EFCAB12: variants seen among roughly 807,000 people sequenced by gnomAD.
EFCAB12 encodes EF-hand calcium-binding domain-containing protein 12.
A neutral mutation model predicts 53.6 loss-of-function variants in EFCAB12; 43 were observed. The ratio of observed to expected loss-of-function variants is 0.80; its 90% CI spans 0.63 to 1.03. The LOEUF (loss-of-function observed/expected upper bound fraction) is 1.03. Among genes scored for constraint, EFCAB12 ranks in the 50% least tolerant of loss-of-function variants. The pLI is 0.00. For missense variants in EFCAB12, 646 were observed against 730.6 expected (o/e 0.88, Z 1.34); for synonymous variants, 269 against 289.2 (o/e 0.93, Z 0.71).
chr3:129,421,063 G>A (rs1286889095), intron 2 of EFCAB12, among the ~76,000 whole-genome samples: 1 of 152,260 alleles, frequency 6.6e-6, no homozygotes, highest in Non-Finnish European at 1.5e-5. Context: ...CTGTGGCCCA[G>A]GCCAACATCC....
intron 4 of EFCAB12, 69 bp downstream of exon 4, chr3:129,415,176 A>G: frequency 6.7e-7 from 1 of 1,493,796 alleles, no homozygotes; most frequent in Non-Finnish European, 8.9e-7. Flanking sequence ...AGGAGAGGCC[A>G]AGGCTGCCTG....
chr3:129,404,680 CAG>C (rs2071925269), intron 6 of EFCAB12, among the ~76,000 whole-genome samples: 1 of 151,866 alleles, frequency 6.6e-6, no homozygotes, highest in Admixed American at 6.6e-5. Flanking sequence ...CAATATGGCT[CAG>C]GGGACTACAG....
intron 6 of EFCAB12, 37 bp from the exon 7 acceptor site, chr3:129,404,440 C>G: frequency 6.4e-7 from 1 of 1,565,632 alleles, no homozygotes; most frequent in Non-Finnish European, 8.7e-7. Flanking sequence ...ACCCATCAAC[C>G]CAGACTGCCC....
intron 3 of EFCAB12, among the ~76,000 whole-genome samples, chr3:129,416,044 A>G (rs976908501): frequency 1.4e-4 from 21 of 152,164 alleles, no homozygotes; most frequent in African/African-American, 4.3e-4. Flanking sequence ...CGGCCTCCCA[A>G]AGTGCTGGGT....
intron 6 of EFCAB12, 23 bp from the exon 7 acceptor site, chr3:129,404,426 C>T (rs1458595087): frequency 6.3e-7 from 1 of 1,598,828 alleles, no homozygotes; most frequent in East Asian, 2.2e-5. Flanking sequence ...AGAGAAACAT[C>T]TGCACCCATC....
chr3:129,401,572 T>C lies in EFCAB12; in HGVS notation c.*21A>G, dbSNP rs897893101. On this transcript the variant is annotated 3_prime_UTR_variant, in exon 9 of 9. Transcript: ENST00000505956. ...TGGCCCCTGGCCCAGGAAGGCTGGG[T>C]CCGGCAACACCTGGCTAGCTCTAGT... 1.3e-6 allele frequency: 2 copies of C among 1,500,302 alleles called. No individual in the cohort carries two copies. Among genetic ancestry groups the C allele is most frequent in the Admixed American group, 4.3e-5 (2 of 46,876 alleles). 92.9% of individuals were successfully genotyped at this position (1,500,302 alleles called of 1,614,324 possible). A position where few individuals can be genotyped will look rare whatever the true frequency, so the allele number is the denominator to read the frequency against.
At chr3:129,418,836 T>C (rs1378999270) in intron 2 of EFCAB12, among the ~76,000 whole-genome samples, 2 of 152,206 alleles carry the variant, frequency 1.3e-5, no homozygotes, top group South Asian at 4.1e-4. Flanking sequence ...GCATCTGCTA[T>C]AGGCCTCCTG....
rs530075216 is a variant in EFCAB12 at position 129,423,643 on chromosome 3, C to G, written c.50-1840G>C. On this transcript the variant is annotated intron_variant, in intron 1 of 8. Coordinates refer to ENST00000505956, the MANE Select transcript of EFCAB12 (RefSeq NM_207307.3). Reference sequence around the variant, plus strand: ...CTTTTTCAAAAAAATTTAAAAAAATCAGAAGGGATATAACAATCTTATTGG... The same window carrying G: ...CTTTTTCAAAAAAATTTAAAAAAATGAGAAGGGATATAACAATCTTATTGG... Among the ~76,000 whole-genome samples the G allele has an allele frequency of 1.8e-3, 273 of 152,116 alleles. 1 individual carries two copies. Among genetic ancestry groups the G allele is most frequent in the African/African-American group, 6.3e-3 (263 of 41,488 alleles).
In EFCAB12 at chr3:129,410,620, T is replaced by C. The variant is rs140007013; in HGVS notation, c.1035+538A>G. On this transcript the variant is annotated intron_variant, in intron 5 of 8. Transcript: ENST00000505956. ...GGTGCGAGACACCACTCCCAGACTATATTATATATGAATATTTATATGTAG... is the reference window on the plus strand; with the variant it reads ...GGTGCGAGACACCACTCCCAGACTACATTATATATGAATATTTATATGTAG... Among the ~76,000 whole-genome samples, 293 of 152,306 alleles carry C rather than the reference T, an allele frequency of 1.9e-3. 1 individual carries two copies. The highest frequency in any genetic ancestry group is 6.6e-3 in the African/African-American group (275 of 41,562).
chr3:129,413,375 G>A (rs1450512267), intron 4 of EFCAB12: 1 of 152,310 alleles, frequency 6.6e-6, no homozygotes, highest in Non-Finnish European at 1.5e-5. Flanking sequence ...GGCACAGAGG[G>A]AGGTCGGGGG....
intron 6 of EFCAB12, among the ~76,000 whole-genome samples, chr3:129,407,841 G>A (rs1439135878): frequency 6.6e-6 from 1 of 152,228 alleles, no homozygotes; most frequent in African/African-American, 2.4e-5. Flanking sequence ...TTGAACCTGG[G>A]AGGCGGAGCT....
At chr3:129,404,484 GT>G (rs200388634) in intron 6 of EFCAB12, 81 bp from the exon 7 acceptor site, 190,638 of 964,554 alleles carry the variant, frequency 0.2, 48 homozygotes, top group Non-Finnish European at 0.21. Context: ...CAGAGGAGGT[GT>G]TTTTTTTTTT....
chr3:129,406,445 A>T, intron 6 of EFCAB12, among the ~76,000 whole-genome samples: 1 of 152,124 alleles, frequency 6.6e-6, no homozygotes, highest in Non-Finnish European at 1.5e-5. Flanking sequence ...TTATGTTGTA[A>T]TTCTAATCCT....
At chr3:129,412,695 C>G (rs1001418693) in intron 4 of EFCAB12, 2 of 152,536 alleles carry the variant, frequency 1.3e-5, no homozygotes, top group African/African-American at 4.8e-5. Context: ...ACCCCAGGGC[C>G]TTTGCCTTCA....
intron 1 of EFCAB12, among the ~76,000 whole-genome samples, chr3:129,422,130 A>G (rs1320547000): frequency 6.6e-6 from 1 of 152,178 alleles, no homozygotes; most frequent in African/African-American, 2.4e-5. Flanking sequence ...GCACAGTATT[A>G]AGAGCAGAGG....
chr3:129,424,060 A>G (rs2072221198), intron 1 of EFCAB12, among the ~76,000 whole-genome samples: 1 of 152,074 alleles, frequency 6.6e-6, no homozygotes, highest in Non-Finnish European at 1.5e-5. Flanking sequence ...AGCATTTACC[A>G]TATTTTTCTG....
At position 129,423,761 on chromosome 3, in the gene EFCAB12, G is replaced by C. The variant is rs531468907; in HGVS notation, c.50-1958C>G. Among the ~76,000 whole-genome samples the C allele has an allele frequency of 3.9e-5, 6 of 152,208 alleles. No individual in the cohort carries two copies. The South Asian group carries it at 1.2e-3, about 32-fold the overall frequency. The stretch of plus-strand genomic sequence containing the variant: ...TAACTGCCTCTAGAGTAAAGTTCAA[G>C]CTCCTTAACCTGGCCCCACCTGGTC... On this transcript the variant is annotated intron_variant, in intron 1 of 8. Transcript: ENST00000505956.
intron 3 of EFCAB12, among the ~76,000 whole-genome samples, chr3:129,415,996 T>C (rs1486898071): frequency 6.6e-6 from 1 of 152,244 alleles, no homozygotes; most frequent in Non-Finnish European, 1.5e-5. Context: ...TTCACTGAAC[T>C]TTACTCAAAC....
Position 129,418,279 on chromosome 3 carries a change from T to G in EFCAB12, c.656A>C (p.Glu219Ala). The G allele has an allele frequency of 6.2e-7, 1 of 1,612,714 alleles. No homozygotes were observed. The highest frequency in any genetic ancestry group is 8.5e-7 in the Non-Finnish European group (1 of 1,179,112). ...TGCCTTTACAGCCGCGATGAACTCC[T>G]CCCTGGTGATTCTCTGGTTCTCACC... ...GQGENQRITR[E>A]EFIAAVKAVG... The change falls in exon 3 of 9, where the codon GAG becomes GCG. Residue 219 changes from glutamate to alanine, a missense_variant. Coordinates refer to ENST00000505956, the MANE Select transcript of EFCAB12 (RefSeq NM_207307.3).
Sources: allele counts gnomAD v4.1 joint callset (sites outside exome capture counted in the v4.1 genomes callset), GRCh38; gene constraint gnomAD v4.1.1; transcripts MANE v1.5; gene names NCBI Gene and HGNC (gene_info 2026-07-23, HGNC 2026-07-21).